PFKFB3: variants seen among roughly 807,000 people sequenced by gnomAD.
The protein encoded by PFKFB3 is 6-phosphofructo-2-kinase/fructose-2,6-bisphosphatase 3.
PFKFB3 carries 33 observed loss-of-function variants against 68.0 expected under a neutral mutation model. That is an observed-to-expected ratio of 0.49 (90% CI 0.37 to 0.65). The LOEUF is 0.65. PFKFB3 is among the 30% of genes least tolerant of loss of function. The probability of loss-of-function intolerance (pLI) is 0.00; values close to 1 mark genes in which losing one functional copy is unlikely to be tolerated. For missense variants in PFKFB3, 586 were observed against 712.2 expected, an observed-to-expected ratio of 0.82 and a Z score of 2.02; for synonymous variants, 315 against 288.2, an observed-to-expected ratio of 1.09 and a Z score of -0.94.
chr10:6,294,975 G>GT, the PFKFB3 span, among the ~76,000 whole-genome samples: 1,058 of 136,590 alleles, frequency 7.7e-3, 16 homozygotes, highest in African/African-American at 0.022. Flanking sequence ...TTTTTTTTTT[G>GT]TTTTTTTTTT....
chr10:6,272,354 C>T, the PFKFB3 span, among the ~76,000 whole-genome samples: 1 of 152,142 alleles, frequency 6.6e-6, no homozygotes, highest in Non-Finnish European at 1.5e-5. Flanking sequence ...CTTAACTAAA[C>T]CCTGAATGAT....
At chr10:6,190,408 G>GCATT (rs764970982) in intron 1 of PFKFB3, among the ~76,000 whole-genome samples, 26 of 152,324 alleles carry the variant, frequency 1.7e-4, no homozygotes, top group Non-Finnish European at 3.2e-4. Flanking sequence ...TCTCCTACAT[G>GCATT]CATTCATTCA....
At chr10:6,198,315 C>T (rs938406950), upstream of PFKFB3, among the ~76,000 whole-genome samples, 1 of 151,488 alleles carries the variant, frequency 6.6e-6, no homozygotes, top group African/African-American at 2.4e-5. Flanking sequence ...GTGACAGGGT[C>T]GGGGCAGAGA....
intron 1 of PFKFB3, among the ~76,000 whole-genome samples, chr10:6,192,226 C>T (rs1843044653): frequency 6.6e-6 from 1 of 151,360 alleles, no homozygotes; most frequent in African/African-American, 2.4e-5. Flanking sequence ...ACGATCCAGT[C>T]TCAACACTGG....
At chr10:6,285,556 G>A in the PFKFB3 span, among the ~76,000 whole-genome samples, 1 of 148,812 alleles carries the variant, frequency 6.7e-6, no homozygotes, top group Non-Finnish European at 1.5e-5. Context: ...TAAAAAAATT[G>A]TGGTAAGAAC....
Position 6,177,393 on chromosome 10 carries a change from T to TTTCTTTCTTTCTTTCTTTC in PFKFB3, c.16+32397_16+32398insTCTTCTTTCTTTCTTTCTT, listed in dbSNP as rs1554842911. On this transcript the variant is annotated intron_variant, in intron 1 of 14. Coordinates refer to the PFKFB3 transcript ENST00000379789. ...CTTTCTTTCTTTCTTTCTTTCTTTCTTTCTTTCTTTCTTTCTTCTTTCTCT... is the reference window on the plus strand; with the variant it reads ...CTTTCTTTCTTTCTTTCTTTCTTTCTTTCTTTCTTTCTTTCTTTCTTCTTTCTTTCTTTCTTCTTTCTCT... Among the ~76,000 whole-genome samples the TTTCTTTCTTTCTTTCTTTC allele has an allele frequency of 3.4e-3, 488 of 141,750 alleles. 6 individuals carry two copies. The highest frequency in any genetic ancestry group is 0.011 in the African/African-American group (431 of 38,172). 93.0% of individuals were successfully genotyped at this position (141,750 alleles called of 152,430 possible).
chr10:6,177,360 C>CTT (rs1842508293), intron 1 of PFKFB3, among the ~76,000 whole-genome samples: 1 of 81,824 alleles, frequency 1.2e-5, no homozygotes, highest in Non-Finnish European at 2.9e-5. Flanking sequence ...TTTTCTCTTT[C>CTT]TTTCTTTCTT....
intron 1 of PFKFB3, among the ~76,000 whole-genome samples, chr10:6,175,040 T>A (rs1346045630): frequency 6.6e-6 from 1 of 152,102 alleles, no homozygotes; most frequent in Non-Finnish European, 1.5e-5. Flanking sequence ...GGTCTTGAAT[T>A]CCTGACCCCA....
intron 1 of PFKFB3, among the ~76,000 whole-genome samples, chr10:6,176,432 G>C (rs976112507): frequency 6.6e-6 from 1 of 152,082 alleles, no homozygotes; most frequent in Non-Finnish European, 1.5e-5. Context: ...GCAAGAGATG[G>C]GGTCTCCCTC....
At chr10:6,155,264 G>A (rs1039738223) in intron 1 of PFKFB3, among the ~76,000 whole-genome samples, 11 of 144,656 alleles carry the variant, frequency 7.6e-5, no homozygotes, top group Middle Eastern at 4.1e-3. Context: ...GGGCAGTGGC[G>A]CGATCTCGGC....
intron 1 of PFKFB3, among the ~76,000 whole-genome samples, chr10:6,189,024 G>A (rs1413815935): frequency 6.6e-6 from 1 of 151,852 alleles, no homozygotes; most frequent in Non-Finnish European, 1.5e-5. Flanking sequence ...ATTTTTTAGT[G>A]GAAACGGGGT....
chr10:6,215,320 A>G lies in PFKFB3; in HGVS notation c.299+3A>G, dbSNP rs781272011. ...GAGGAAGCCATGAAAGTCCGGAAGT[A>G]AGGCTGGGCCGCGGGCGTAGGGCTG... is the stretch of plus-strand genomic sequence containing the variant. On this transcript the variant is annotated splice_donor_region_variant and intron_variant, in intron 3 of 14. Transcript: ENST00000379775. The surrounding 1 kb of genome is among the most constrained non-coding windows in gnomAD (Gnocchi z 4.3). The G allele has an allele frequency of 6.2e-6, 10 of 1,611,918 alleles. No individual in the cohort carries two copies. The South Asian group carries it at 9.9e-5, about 16-fold the overall frequency.
chr10:6,177,356 C>CTT (rs1564599383), intron 1 of PFKFB3, among the ~76,000 whole-genome samples: 3 of 70,904 alleles, frequency 4.2e-5, no homozygotes, highest in Non-Finnish European at 9.7e-5. Flanking sequence ...TTTCTTTTCT[C>CTT]TTTCTTTCTT....
chr10:6,257,507 G>A (rs1013263951), downstream of PFKFB3, among the ~76,000 whole-genome samples: 1 of 152,218 alleles, frequency 6.6e-6, no homozygotes, highest in Non-Finnish European at 1.5e-5. Flanking sequence ...GTAGGGACTT[G>A]TAAGAGTGGC....
chr10:6,218,476 T>A (rs780191481), intron 6 of PFKFB3, among the ~76,000 whole-genome samples: 13 of 151,926 alleles, frequency 8.6e-5, no homozygotes, highest in Non-Finnish European at 1.9e-4. Flanking sequence ...TTGCCCAGGC[T>A]GGAATGCAGT....
At chr10:6,159,535 CA>C (rs1841909848) in intron 1 of PFKFB3, among the ~76,000 whole-genome samples, 2 of 151,276 alleles carry the variant, frequency 1.3e-5, no homozygotes, top group African/African-American at 4.8e-5. Context: ...ACTAAAAATA[CA>C]AAAAAATTAG....
At chr10:6,277,729 C>G in the PFKFB3 span, 1 of 416,858 alleles carries the variant, frequency 2.4e-6, no homozygotes, top group African/African-American at 2.1e-5. Context: ...TGAGCAGATG[C>G]CAGCACCACG....
At position 6,228,173 on chromosome 10, in the gene PFKFB3, C is replaced by T. The variant is rs755510084; in HGVS notation, c.1515+1808C>T. The T allele has an allele frequency of 6.2e-7, 1 of 1,610,546 alleles. No homozygotes were observed. On this transcript the variant is annotated intron_variant, in intron 14 of 14. Coordinates refer to ENST00000379775, the MANE Select transcript of PFKFB3 (RefSeq NM_004566.4). The surrounding 1 kb of genome is among the most constrained non-coding windows in gnomAD (Gnocchi z 4.5). ...TTGCGCCCTGCCTCCTGACTGACTT[C>T]TCTCTCTGCTTCTCCTCCGCAGCCT...
chr10:6,227,818 C>T (rs1845456251), intron 14 of PFKFB3, among the ~76,000 whole-genome samples: 2 of 152,180 alleles, frequency 1.3e-5, no homozygotes, highest in Non-Finnish European at 2.9e-5. Context: ...CCTTGCAGGT[C>T]TCAGATCTGA....
Sources: gnomAD v4.1 joint callset for allele counts (sites outside exome capture counted in the v4.1 genomes callset) on GRCh38, gnomAD v4.1.1 for gene constraint, Gnocchi (gnomAD v3.1) non-coding constraint, MANE v1.5 for transcripts, NCBI Gene and HGNC (gene_info 2026-07-23, HGNC 2026-07-21) for gene names.